Variants in AFF1 observed in about 807,000 individuals in gnomAD.
AFF1 encodes AF4/FMR2 family member 1.
In AFF1, 48 loss-of-function variants were observed where a neutral mutation model predicts 121.7. That is an observed-to-expected ratio of 0.39 (90% CI 0.31 to 0.50). The LOEUF is 0.50. Ranked by LOEUF, AFF1 falls within the 20% of genes least tolerant of loss-of-function variation. AFF1 has a pLI of 0.76. For synonymous variants in AFF1, 613 were observed against 563.0 expected (o/e 1.09, Z -1.26); for missense variants, 1,523 against 1,511.7 (o/e 1.01, Z -0.12).
chr4:87,112,285 A>G (rs763695620), intron 11 of AFF1, among the ~76,000 whole-genome samples: 1 of 152,210 alleles, frequency 6.6e-6, no homozygotes, highest in Non-Finnish European at 1.5e-5. Context: ...TTTAGATTAC[A>G]TGTGACAAAA....
chr4:87,094,839 G>A (rs1016096039), intron 7 of AFF1, 76 bp from the exon 8 acceptor site: 25 of 1,436,378 alleles, frequency 1.7e-5, no homozygotes, highest in Admixed American at 1.6e-4. Context: ...ACTGGGGACC[G>A]ACATAAAAGA....
chr4:87,054,438 C>T (rs755308703), intron 4 of AFF1, among the ~76,000 whole-genome samples: 17 of 152,184 alleles, frequency 1.1e-4, no homozygotes, highest in East Asian at 1.9e-4. Flanking sequence ...TCTTTTCCTC[C>T]GTAGCTCATG....
At chr4:87,084,427 C>T (rs1480036814) in intron 5 of AFF1, among the ~76,000 whole-genome samples, 6 of 151,942 alleles carry the variant, frequency 3.9e-5, no homozygotes, top group Admixed American at 1.3e-4. Context: ...CCTGTAGTCC[C>T]AGCTACTCAG....
intron 2 of AFF1, among the ~76,000 whole-genome samples, chr4:87,002,117 T>C (rs1560530825): frequency 6.6e-6 from 1 of 151,830 alleles, no homozygotes; most frequent in Non-Finnish European, 1.5e-5. Context: ...TTTTTTTTTT[T>C]TTCCCAGAGA....
At chr4:87,040,252 G>A (rs1488245314) in intron 2 of AFF1, among the ~76,000 whole-genome samples, 2 of 152,094 alleles carry the variant, frequency 1.3e-5, no homozygotes, top group Non-Finnish European at 2.9e-5. Flanking sequence ...TCTCTCAAAG[G>A]GGTCCTCTGT....
chr4:87,045,683 G>A (rs1043392308), intron 2 of AFF1, among the ~76,000 whole-genome samples: 7 of 152,046 alleles, frequency 4.6e-5, no homozygotes, highest in Non-Finnish European at 8.8e-5. Context: ...TGGGTGCCTG[G>A]TAATCTTTTA....
chr4:87,046,137 T>C, intron 2 of AFF1, 29 bp from the exon 3 acceptor site: 1 of 1,606,336 alleles, frequency 6.2e-7, no homozygotes, highest in South Asian at 1.1e-5. Flanking sequence ...AATTTTATTG[T>C]TTTCATTCTT....
In AFF1 at chr4:87,084,260, T is replaced by A. The variant is rs538518373; in HGVS notation, c.1104+96T>A. 4.5e-6 allele frequency: 6 copies of A among 1,324,446 alleles called. No individual in the cohort carries two copies. In the African/African-American group the frequency reaches 7.2e-5, roughly 16 times the overall value. The allele number at this position is 1,324,446 out of a possible 1,614,324, so 82.0% of individuals were successfully genotyped here. A position where few individuals can be genotyped will look rare whatever the true frequency, so the allele number is the denominator to read the frequency against. On this transcript the variant is annotated intron_variant, in intron 5 of 20. Coordinates refer to ENST00000395146, the MANE Select transcript of AFF1 (RefSeq NM_001166693.3). Reference sequence around the variant, plus strand: ...ACTTTAAAGAACAGTTGCCATTGGCTGGGTGCGGTGGCTCATGCCTGTAAT... The same window carrying A: ...ACTTTAAAGAACAGTTGCCATTGGCAGGGTGCGGTGGCTCATGCCTGTAAT...
intron 8 of AFF1, among the ~76,000 whole-genome samples, chr4:87,102,236 T>G (rs1249939021): frequency 2.0e-5 from 3 of 152,258 alleles, no homozygotes; most frequent in Non-Finnish European, 4.4e-5. Context: ...CGGTTGTATA[T>G]GTTTTGAAAT....
intron 2 of AFF1, among the ~76,000 whole-genome samples, chr4:87,039,447 C>T (rs1412591814): frequency 2.0e-5 from 3 of 152,342 alleles, no homozygotes; most frequent in African/African-American, 7.2e-5. Context: ...CACGTTTTAG[C>T]TTTCCAAAGC....
chr4:86,945,215 T>C (rs1299067923), intron 1 of AFF1, among the ~76,000 whole-genome samples: 1 of 152,152 alleles, frequency 6.6e-6, no homozygotes, highest in Non-Finnish European at 1.5e-5. Context: ...GCTTAACTTG[T>C]CCAAGGTGAT....
chr4:87,005,748 T>C (rs1726056806), intron 2 of AFF1, among the ~76,000 whole-genome samples: 1 of 152,212 alleles, frequency 6.6e-6, no homozygotes, highest in South Asian at 2.1e-4. Flanking sequence ...GGTCAAGATT[T>C]AATGAACGTA....
At chr4:87,054,202 G>T (rs777495392) in intron 4 of AFF1, among the ~76,000 whole-genome samples, 17 of 152,222 alleles carry the variant, frequency 1.1e-4, no homozygotes, top group Non-Finnish European at 5.9e-5. Context: ...CCTCCCCTAG[G>T]GGGGCTGAGT....
chr4:86,973,330 T>C (rs932829242), intron 2 of AFF1, among the ~76,000 whole-genome samples: 1 of 152,166 alleles, frequency 6.6e-6, no homozygotes, highest in Non-Finnish European at 1.5e-5. Context: ...GCCTTTTGTA[T>C]AAGGGGGCAG....
intron 4 of AFF1, among the ~76,000 whole-genome samples, chr4:87,073,328 A>C (rs1722318258): frequency 7.2e-6 from 1 of 138,794 alleles, no homozygotes. Flanking sequence ...GGGGCGGAGG[A>C]TTTACTTGTT....
Position 87,135,955 on chromosome 4 carries a change from C to A in AFF1, c.*254C>A. 2 of 439,348 alleles carry A rather than the reference C, an allele frequency of 4.6e-6. No individual in the cohort carries two copies. Among genetic ancestry groups the A allele is most frequent in the Non-Finnish European group, 7.6e-6 (2 of 262,818 alleles). The allele number at this position is 439,348 out of a possible 1,614,324, so 27.2% of individuals were successfully genotyped here. On this transcript the variant is annotated 3_prime_UTR_variant, in exon 21 of 21. Coordinates refer to ENST00000395146, the MANE Select transcript of AFF1 (RefSeq NM_001166693.3). Reference sequence around the variant, plus strand: ...CCTTCCTAACTAAAGGACAGAAGTGCAATTTAGCTTAAATGGGTGTATGAA... The same window carrying A: ...CCTTCCTAACTAAAGGACAGAAGTGAAATTTAGCTTAAATGGGTGTATGAA...
chr4:87,007,196 C>T (rs767543535), intron 2 of AFF1: 132 of 1,394,492 alleles, frequency 9.5e-5, no homozygotes, highest in Middle Eastern at 2.7e-4. Flanking sequence ...GCCCGGATGT[C>T]CATCAGGATT....
chr4:87,045,540 G>A (rs1028509675), intron 2 of AFF1, among the ~76,000 whole-genome samples: 2 of 152,030 alleles, frequency 1.3e-5, no homozygotes, highest in Admixed American at 1.3e-4. Context: ...AGCGTTCTCC[G>A]TCGGTAGAGC....
At chr4:87,060,440 T>C (rs1720622603) in intron 4 of AFF1, among the ~76,000 whole-genome samples, 1 of 152,172 alleles carries the variant, frequency 6.6e-6, no homozygotes, top group African/African-American at 2.4e-5. Flanking sequence ...ATTTTAAATA[T>C]TTTGCTATTG....
Sources: allele counts gnomAD v4.1 joint callset (sites outside exome capture counted in the v4.1 genomes callset), GRCh38; gene constraint gnomAD v4.1.1; transcripts MANE v1.5; gene names NCBI Gene and HGNC (gene_info 2026-07-23, HGNC 2026-07-21).